AGL: variants seen among roughly 807,000 people sequenced by gnomAD.
AGL encodes glycogen debranching enzyme.
A neutral mutation model predicts 199.3 loss-of-function variants in AGL; 128 were observed. That is an observed-to-expected ratio of 0.64 (90% CI 0.56 to 0.74). The LOEUF is 0.74. AGL is among the 30% of genes least tolerant of loss of function. The pLI is 0.00. For synonymous variants in AGL, 584 were observed against 594.7 expected (o/e 0.98, Z 0.26); for missense variants, 1,809 against 1,820.8 (o/e 0.99, Z 0.12).
At chr1:99,890,095 C>A (rs185035622) in intron 21 of AGL, among the ~76,000 whole-genome samples, 2 of 152,294 alleles carry the variant, frequency 1.3e-5, no homozygotes, top group East Asian at 1.9e-4. Flanking sequence ...TTTGTGGATT[C>A]TTTTCCATGT....
chr1:99,902,568 A>G (rs549271714), intron 26 of AGL, 115 bp from the exon 27 acceptor site: 1 of 845,196 alleles, frequency 1.2e-6, no homozygotes, highest in Non-Finnish European at 2.0e-6. Flanking sequence ...CCCAATTCCT[A>G]TTTCTCACTT....
rs140481863 is a variant in AGL, at chr1:99,912,452, G to T, written c.3884G>T (p.Arg1295Leu). 1.9e-6 allele frequency: 3 copies of T among 1,613,952 alleles called. No homozygotes were observed. Among genetic ancestry groups the T allele is most frequent in the South Asian group, 1.1e-5 (1 of 91,076 alleles). Residue 1295 changes from arginine (R) to leucine (L), a missense_variant, in exon 29 of 34, where the codon CGC becomes CTC. By Grantham distance (102) the Arg-to-Leu change is moderately radical. Transcript: ENST00000361915. ...GTGGGCCTGAGTAAATCTGCTGTTC[G>T]CTGGTTGCTGGAATTATCCAAAAAA... Reference protein sequence around the residue: ...EIVGLSKSAVRWLLELSKKNI... With the variant: ...EIVGLSKSAVLWLLELSKKNI...
At chr1:99,892,079 T>G (rs1652943102) in intron 23 of AGL, among the ~76,000 whole-genome samples, 1 of 152,198 alleles carries the variant, frequency 6.6e-6, no homozygotes, top group African/African-American at 2.4e-5. Flanking sequence ...GGAGAAAAAA[T>G]TCCACTATTA....
intron 21 of AGL, 46 bp downstream of exon 21, chr1:99,888,154 G>T (rs1557770064): frequency 6.2e-7 from 1 of 1,605,312 alleles, no homozygotes; most frequent in Non-Finnish European, 8.5e-7. Context: ...TTCTTTTAGG[G>T]TCATCTGGTG....
intron 5 of AGL, 67 bp downstream of exon 5, chr1:99,864,656 A>G: frequency 7.3e-7 from 1 of 1,364,730 alleles, no homozygotes; most frequent in Admixed American, 1.8e-5. Flanking sequence ...ATATACACAC[A>G]AATAAGAGAA....
At chr1:99,921,503 G>A (rs1363420199) in intron 33 of AGL, 31 bp from the exon 34 acceptor site, 2 of 1,481,022 alleles carry the variant, frequency 1.4e-6, no homozygotes, top group Admixed American at 3.4e-5. Context: ...ATTAAATTAT[G>A]TCTTTGTAAA....
rs1466880728 is a variant in AGL at position 99,881,095 on chromosome 1, C to T, written c.1919C>T (p.Ala640Val). ...CPIVHRSAYD[A>V]LPSTTIVSMA... Reference sequence around the variant, plus strand: ...TTCTAGCATAGATCAGCGTATGATGCTCTTCCAAGTACTACAATTGTTTCT... The same window carrying T: ...TTCTAGCATAGATCAGCGTATGATGTTCTTCCAAGTACTACAATTGTTTCT... The change falls in exon 15 of 34, where the codon GCT becomes GTT. Residue 640 changes from alanine (A) to valine (V), a missense_variant. Physicochemically the swap from Ala to Val is moderately conservative, Grantham distance 64 (BLOSUM62 0). Coordinates refer to ENST00000361915, the MANE Select transcript of AGL (RefSeq NM_000642.3). The T allele has an allele frequency of 3.1e-6, 5 of 1,613,770 alleles. No homozygotes were observed. Among genetic ancestry groups the T allele is most frequent in the Non-Finnish European group, 4.2e-6 (5 of 1,179,852 alleles).
At chr1:99,864,734 C>T in intron 5 of AGL, 145 bp downstream of exon 5, 5 of 707,382 alleles carry the variant, frequency 7.1e-6, no homozygotes, top group Middle Eastern at 4.0e-4. Context: ...GATTAGGTGT[C>T]CTTCTGTTTA....
At chr1:99,862,232 G>T in intron 3 of AGL, 25 bp from the exon 4 acceptor site, 1 of 1,613,548 alleles carries the variant, frequency 6.2e-7, no homozygotes, top group African/African-American at 1.3e-5. Context: ...TGACTGAAAA[G>T]TTTTTGTTTT....
intron 26 of AGL, among the ~76,000 whole-genome samples, chr1:99,901,866 C>G (rs1335631085): frequency 6.6e-6 from 1 of 151,894 alleles, no homozygotes; most frequent in East Asian, 1.9e-4. Flanking sequence ...AACATTTGTC[C>G]AAAATTTTTT....
At chr1:99,887,902 C>A (rs575284471) in intron 20 of AGL, 76 bp from the exon 21 acceptor site, 18 of 1,521,838 alleles carry the variant, frequency 1.2e-5, no homozygotes, top group African/African-American at 1.4e-5. Flanking sequence ...GATTGTAATT[C>A]AGATTTTCTT....
At chr1:99,912,744 G>A (rs1421052501) in intron 29 of AGL, among the ~76,000 whole-genome samples, 2 of 152,170 alleles carry the variant, frequency 1.3e-5, no homozygotes, top group African/African-American at 2.4e-5. Context: ...TGCCTTTATT[G>A]TGCATGTCTT....
At chr1:99,910,913 C>T in intron 28 of AGL, 66 bp downstream of exon 28, 1 of 1,523,096 alleles carries the variant, frequency 6.6e-7, no homozygotes, top group Non-Finnish European at 9.0e-7. Context: ...CTTGTGGAAT[C>T]TTTTATTCTG....
At chr1:99,854,087 G>C (rs531170182) in intron 2 of AGL, among the ~76,000 whole-genome samples, 1 of 151,622 alleles carries the variant, frequency 6.6e-6, no homozygotes, top group South Asian at 2.1e-4. Context: ...CCAGCTACCT[G>C]GGAGGCTGAG....
At chr1:99,876,314 A>T in intron 10 of AGL, 144 bp from the exon 11 acceptor site, 1 of 639,032 alleles carries the variant, frequency 1.6e-6, no homozygotes, top group Non-Finnish European at 2.6e-6. Flanking sequence ...TTTTTGACCT[A>T]TATTGAAGTT....
At chr1:99,893,646 G>A (rs55878813) in intron 24 of AGL, among the ~76,000 whole-genome samples, 20,711 of 152,170 alleles carry the variant, frequency 0.14, 1,509 homozygotes, top group Middle Eastern at 0.18. Context: ...CACTTTAAAC[G>A]ATATACTGAT....
At position 99,921,696 on chromosome 1, in the gene AGL, C is replaced by G. The variant is rs776175515; in HGVS notation, c.*45C>G. On this transcript the variant is annotated 3_prime_UTR_variant, in exon 34 of 34. Coordinates refer to ENST00000361915, the MANE Select transcript of AGL (RefSeq NM_000642.3). ...ATGCAATTACTTGTATTATAGGATG[C>G]AAGGTCATCATATGTAAATGCCTTA... The G allele has an allele frequency of 1.8e-5, 24 of 1,356,684 alleles. No individual in the cohort carries two copies. The Admixed American group carries it at 4.1e-4, about 23-fold the overall frequency. 84.0% of individuals were successfully genotyped at this position (1,356,684 alleles called of 1,614,324 possible). A position where few individuals can be genotyped will look rare whatever the true frequency, so the allele number is the denominator to read the frequency against.
chr1:99,857,507 T>C (rs1420745250), intron 2 of AGL, among the ~76,000 whole-genome samples: 1 of 151,942 alleles, frequency 6.6e-6, no homozygotes, highest in South Asian at 2.1e-4. Flanking sequence ...GCCACTGCAC[T>C]CCAGCCTGGG....
chr1:99,899,813 G>A (rs1428359573), intron 25 of AGL, among the ~76,000 whole-genome samples: 2 of 151,776 alleles, frequency 1.3e-5, no homozygotes, highest in African/African-American at 4.8e-5. Context: ...GTAGAGACGG[G>A]GTTTCACCGT....
Sources: gnomAD v4.1 joint callset for allele counts (sites outside exome capture counted in the v4.1 genomes callset) on GRCh38, gnomAD v4.1.1 for gene constraint, MANE v1.5 for transcripts, NCBI Gene and HGNC (gene_info 2026-07-23, HGNC 2026-07-21) for gene names.